Variants in GALNT15 observed in about 807,000 individuals in gnomAD.
GALNT15 encodes UDP-GalNAc transferase T15.
GALNT15 carries 67 observed loss-of-function variants against 66.8 expected under a neutral mutation model. The observed-to-expected ratio is 1.00, with a 90% CI of 0.82 to 1.23. The LOEUF is 1.23. Ranked by LOEUF, GALNT15 falls within the 50% of genes most tolerant of loss-of-function variation. GALNT15 has a pLI of 0.00. For synonymous variants in GALNT15, 313 were observed against 311.5 expected (o/e 1.00, Z -0.05); for missense variants, 827 against 804.3 (o/e 1.03, Z -0.34).
intron 3 of GALNT15, among the ~76,000 whole-genome samples, chr3:16,202,536 G>A (rs560386380): frequency 2.0e-5 from 3 of 152,366 alleles, no homozygotes; most frequent in South Asian, 4.1e-4. Context: ...GGGAGGCTGA[G>A]GTGGGAGAAT....
At chr3:16,213,816 G>A (rs898317193) in intron 6 of GALNT15, among the ~76,000 whole-genome samples, 2 of 152,174 alleles carry the variant, frequency 1.3e-5, no homozygotes, top group African/African-American at 4.8e-5. Context: ...AGCCTGACAG[G>A]GAAGCCCCAT....
rs2063782568 is a variant in GALNT15 at position 16,208,633 on chromosome 3, G to A, written c.1042G>A (p.Val348Met). ...CCACTGGGAACCTTTGCCAGAGCAT[G>A]TGAGGAAGGCCCTCCAGTCCCCCAT... ...DFHWEPLPEH[V>M]RKALQSPISP... Residue 348 changes from valine (V) to methionine (M), a missense_variant, in exon 4 of 10, where the codon GTG becomes ATG. Physicochemically the swap from Val to Met is conservative, Grantham distance 21 (BLOSUM62 1). Coordinates refer to ENST00000339732, the MANE Select transcript of GALNT15 (RefSeq NM_054110.5). 6.2e-7 allele frequency: 1 copy of A among 1,614,138 alleles called. No individual in the cohort carries two copies. Among genetic ancestry groups the A allele is most frequent in the African/African-American group, 1.3e-5 (1 of 75,034 alleles).
At chr3:16,216,678 G>A (rs2124894131) in intron 6 of GALNT15, among the ~76,000 whole-genome samples, 1 of 152,318 alleles carries the variant, frequency 6.6e-6, no homozygotes, top group South Asian at 2.1e-4. Flanking sequence ...TCCCCTGGCG[G>A]GGGCTGTTCA....
At chr3:16,179,072 C>T (rs554579110) in intron 1 of GALNT15, among the ~76,000 whole-genome samples, 8 of 152,084 alleles carry the variant, frequency 5.3e-5, no homozygotes, top group Non-Finnish European at 1.0e-4. Context: ...GGAAAATTAC[C>T]AATGATGCAA....
rs550362268 is a variant in GALNT15, at chr3:16,195,971, C to A, written c.706+45C>A. 1.4e-5 allele frequency: 23 copies of A among 1,596,124 alleles called. No individual in the cohort carries two copies. In the African/African-American group the frequency reaches 1.7e-4, roughly 12 times the overall value. ...AGGCTCGTCTGGGTGAGCCTTACCC[C>A]CTGGCGGGTGGAGTTCTCAAGCAAA... is the stretch of plus-strand genomic sequence containing the variant. On this transcript the variant is annotated intron_variant, in intron 2 of 9. Transcript: ENST00000339732. The surrounding 1 kb of genome is among the most constrained non-coding windows in gnomAD (Gnocchi z 4.6).
At chr3:16,243,216 T>G in the GALNT15 span, among the ~76,000 whole-genome samples, 2 of 152,106 alleles carry the variant, frequency 1.3e-5, no homozygotes, top group Admixed American at 6.6e-5. Flanking sequence ...AAGGCAGAAA[T>G]GTGGAGAGGG....
intron 6 of GALNT15, among the ~76,000 whole-genome samples, chr3:16,217,184 T>A (rs975957645): frequency 5.3e-5 from 8 of 151,992 alleles, no homozygotes; most frequent in African/African-American, 1.9e-4. Flanking sequence ...TGTGAAAGAG[T>A]GCTATGGAGA....
Position 16,203,829 on chromosome 3 carries a change from G to A in GALNT15, c.911+3006G>A, listed in dbSNP as rs1450723318. Among the ~76,000 whole-genome samples the A allele has an allele frequency of 1.3e-5, 2 of 152,108 alleles. No individual in the cohort carries two copies. Among genetic ancestry groups the A allele is most frequent in the East Asian group, 3.9e-4 (2 of 5,188 alleles). ...CACTCCACCTGGCAACGCTCTATGA[G>A]CTGTGGCAGGGAGAGCAGCCTCATT... On this transcript the variant is annotated intron_variant, in intron 3 of 9. Transcript: ENST00000339732. This position sits in a 1 kb window ranked among gnomAD's most constrained non-coding sequence, Gnocchi z 6.2.
chr3:16,232,081 T>C, downstream of GALNT15: 1 of 857,564 alleles, frequency 1.2e-6, no homozygotes, highest in Non-Finnish European at 1.7e-6. Flanking sequence ...CATTAGATTA[T>C]CCAAAATTCT....
At position 16,211,712 on chromosome 3, in the gene GALNT15, C is replaced by G. The variant is rs1380830651; in HGVS notation, c.1197+471C>G. Among the ~76,000 whole-genome samples the G allele has an allele frequency of 2.0e-5, 3 of 152,176 alleles. No homozygotes were observed. The highest frequency in any genetic ancestry group is 3.2e-3 in the Middle Eastern group (1 of 316). On this transcript the variant is annotated intron_variant, in intron 5 of 9. Coordinates refer to ENST00000339732, the MANE Select transcript of GALNT15 (RefSeq NM_054110.5). This position sits in a 1 kb window ranked among gnomAD's most constrained non-coding sequence, Gnocchi z 4.3. ...CCTTGGAGTCACCCTCATTTCCTGTCCCACATTGCTTTTCTAGCATGATAC... is the reference window on the plus strand; with the variant it reads ...CCTTGGAGTCACCCTCATTTCCTGTGCCACATTGCTTTTCTAGCATGATAC...
chr3:16,177,633 A>G (rs1213695384), intron 1 of GALNT15, among the ~76,000 whole-genome samples: 1 of 152,190 alleles, frequency 6.6e-6, no homozygotes, highest in African/African-American at 2.4e-5. Flanking sequence ...ATGTGCATGT[A>G]TTATGTGCAT....
chr3:16,182,562 C>T lies in GALNT15; in HGVS notation c.539+6872C>T, dbSNP rs1043740699. ...AGGAGGTGGACAGGAGGGAGACCCA[C>T]GATCCACAGTTCCTTTGGGGACTTG... On this transcript the variant is annotated intron_variant, in intron 1 of 9. Coordinates refer to ENST00000339732, the MANE Select transcript of GALNT15 (RefSeq NM_054110.5). The surrounding 1 kb of genome is among the most constrained non-coding windows in gnomAD (Gnocchi z 6.1). 1.1e-4 allele frequency among the ~76,000 whole-genome samples: 16 copies of T among 152,202 alleles called. No individual in the cohort carries two copies. Among genetic ancestry groups the T allele is most frequent in the African/African-American group, 3.6e-4 (15 of 41,454 alleles).
downstream of GALNT15, among the ~76,000 whole-genome samples, chr3:16,232,473 T>A (rs78330991): frequency 0.13 from 5,866 of 43,746 alleles, 734 homozygotes; most frequent in African/African-American, 0.31. Context: ...TAAATAAATA[T>A]ATATATATAT....
chr3:16,208,413 C>T, intron 3 of GALNT15, 90 bp from the exon 4 acceptor site: 2 of 1,328,004 alleles, frequency 1.5e-6, no homozygotes, highest in Non-Finnish European at 1.0e-6. Context: ...GTCTGGTAGC[C>T]ACCATACTGG....
Position 16,227,223 on chromosome 3 carries a change from C to A in GALNT15, c.1774-131C>A. ...ATATTTTATGTTGATCAAAATACCA[C>A]AATTCCTTTCCAGGCCAGTTCACAC... On this transcript the variant is annotated intron_variant, in intron 9 of 9. Transcript: ENST00000339732. The surrounding 1 kb of genome is among the most constrained non-coding windows in gnomAD (Gnocchi z 4.5). The A allele has an allele frequency of 4.1e-6, 4 of 969,310 alleles. No individual in the cohort carries two copies. Among genetic ancestry groups the A allele is most frequent in the Non-Finnish European group, 6.0e-6 (4 of 667,940 alleles). 60.0% of individuals were successfully genotyped at this position (969,310 alleles called of 1,614,324 possible). A position where few individuals can be genotyped will look rare whatever the true frequency, so the allele number is the denominator to read the frequency against.
At position 16,225,124 on chromosome 3, in the gene GALNT15, A is replaced by G. The variant is rs1226091114; in HGVS notation, c.1774-2230A>G. On this transcript the variant is annotated intron_variant, in intron 9 of 9. Coordinates refer to ENST00000339732, the MANE Select transcript of GALNT15 (RefSeq NM_054110.5). This position sits in a 1 kb window ranked among gnomAD's most constrained non-coding sequence, Gnocchi z 4.4. Reference sequence around the variant, plus strand: ...GTGGGAGCAGGCATATCACATGGTGAAAGCAGGAACAAGAGAAAGAGAGTG... The same window carrying G: ...GTGGGAGCAGGCATATCACATGGTGGAAGCAGGAACAAGAGAAAGAGAGTG... 6.6e-6 allele frequency among the ~76,000 whole-genome samples: 1 copy of G among 152,116 alleles called. No homozygotes were observed. The highest frequency in any genetic ancestry group is 1.5e-5 in the Non-Finnish European group (1 of 68,010).
In GALNT15 at chr3:16,195,206, A is replaced by G. The variant is rs1487934515; in HGVS notation, c.540-554A>G. ...AGGCCAGGAGGGGTGTCCCTAGGTCATTTAGTTGTGCCAGAAATGTAGGCC... is the reference window on the plus strand; with the variant it reads ...AGGCCAGGAGGGGTGTCCCTAGGTCGTTTAGTTGTGCCAGAAATGTAGGCC... On this transcript the variant is annotated intron_variant, in intron 1 of 9. Transcript: ENST00000339732. This position sits in a 1 kb window ranked among gnomAD's most constrained non-coding sequence, Gnocchi z 4.6. Among the ~76,000 whole-genome samples, 1 of 152,154 alleles carries G rather than the reference A, an allele frequency of 6.6e-6. No homozygotes were observed. The highest frequency in any genetic ancestry group is 2.4e-5 in the African/African-American group (1 of 41,446).
Position 16,201,069 on chromosome 3 carries a change from A to G in GALNT15, c.911+246A>G, listed in dbSNP as rs538375507. On this transcript the variant is annotated intron_variant, in intron 3 of 9. Coordinates refer to ENST00000339732, the MANE Select transcript of GALNT15 (RefSeq NM_054110.5). ...AACCGAGGCCTGGAGAACAGCTTCT[A>G]TGAGGTTGCAAATACTTAAAATTGT... is the stretch of plus-strand genomic sequence containing the variant. 2.6e-5 allele frequency among the ~76,000 whole-genome samples: 4 copies of G among 152,214 alleles called. No homozygotes were observed. The South Asian group carries it at 6.2e-4, about 24-fold the overall frequency.
rs1205872021 is a variant in GALNT15, at chr3:16,219,245, C to T, written c.1393-158C>T. Among the ~76,000 whole-genome samples, 2 of 152,196 alleles carry T rather than the reference C, an allele frequency of 1.3e-5. No homozygotes were observed. Among genetic ancestry groups the T allele is most frequent in the African/African-American group, 2.4e-5 (1 of 41,430 alleles). ...TCCCTTCCAGACCTTCTTCTCCCAA[C>T]ACATGACCCTCCCCACTGCAGCCCT... is the stretch of plus-strand genomic sequence containing the variant. On this transcript the variant is annotated intron_variant, in intron 6 of 9. Transcript: ENST00000339732. The surrounding 1 kb of genome is among the most constrained non-coding windows in gnomAD (Gnocchi z 4.3).
Sources: gnomAD v4.1 joint callset for allele counts (sites outside exome capture counted in the v4.1 genomes callset) on GRCh38, gnomAD v4.1.1 for gene constraint, Gnocchi (gnomAD v3.1) non-coding constraint, MANE v1.5 for transcripts, NCBI Gene and HGNC (gene_info 2026-07-23, HGNC 2026-07-21) for gene names.